CFAP44: variants seen among roughly 807,000 people sequenced by gnomAD.
The protein encoded by CFAP44 is cilia- and flagella-associated protein 44.
In CFAP44, 134 loss-of-function variants were observed where a neutral mutation model predicts 216.2. That is an observed-to-expected ratio of 0.62 (90% CI 0.54 to 0.72). The LOEUF (loss-of-function observed/expected upper bound fraction) is 0.72. Ranked by LOEUF, CFAP44 falls within the 30% of genes least tolerant of loss-of-function variation. The pLI, the probability that CFAP44 is intolerant of heterozygous loss-of-function variation, is 0.00. For synonymous variants in CFAP44, 700 were observed against 727.6 expected, an observed-to-expected ratio of 0.96 and a Z score of 0.61; for missense variants, 2,035 against 2,182.1, an observed-to-expected ratio of 0.93 and a Z score of 1.34.
chr3:113,422,647 G>A (rs959273038), intron 4 of CFAP44, among the ~76,000 whole-genome samples: 1 of 152,064 alleles, frequency 6.6e-6, no homozygotes, highest in Non-Finnish European at 1.5e-5. Flanking sequence ...TTTGCCCACC[G>A]GTTTTTTTCT....
At chr3:113,325,428 A>C (rs1000271492) in intron 28 of CFAP44, among the ~76,000 whole-genome samples, 2 of 151,566 alleles carry the variant, frequency 1.3e-5, no homozygotes, top group African/African-American at 4.8e-5. Context: ...ATAAATAGAG[A>C]TATATTGTGC....
At chr3:113,372,472 C>T (rs1318135052) in intron 18 of CFAP44, among the ~76,000 whole-genome samples, 2 of 152,156 alleles carry the variant, frequency 1.3e-5, no homozygotes, top group African/African-American at 2.4e-5. Context: ...AGCAAACTAT[C>T]ACAAGGACAG....
At chr3:113,315,424 T>C (rs908860927) in intron 28 of CFAP44, among the ~76,000 whole-genome samples, 8 of 152,046 alleles carry the variant, frequency 5.3e-5, no homozygotes, top group African/African-American at 1.9e-4. Context: ...AGCTGTAAAA[T>C]ATTTGAAGCA....
chr3:113,401,624 A>G lies in CFAP44; in HGVS notation c.1286T>C (p.Ile429Thr). 2 of 1,613,512 alleles carry G rather than the reference A, an allele frequency of 1.2e-6. No homozygotes were observed. The highest frequency in any genetic ancestry group is 1.7e-6 in the Non-Finnish European group (2 of 1,179,708). Residue 429 changes from isoleucine to threonine, a missense_variant, in exon 10 of 35, where the codon ATA (isoleucine) becomes ACA (threonine). By Grantham distance (89) the Ile-to-Thr change is moderately conservative. Coordinates refer to ENST00000393845, the MANE Select transcript of CFAP44 (RefSeq NM_001164496.2). The stretch of plus-strand genomic sequence containing the variant: ...GTTATTTCCAGTTTCATTCATTTTT[A>G]TCATAGAGAAGAGATTCACATTCTT... ...VDKNVNLFSM[I>T]KMNETGNNFW...
intron 16 of CFAP44, among the ~76,000 whole-genome samples, 167 bp downstream of exon 16, chr3:113,380,732 A>G (rs1034155301): frequency 9.2e-5 from 14 of 152,100 alleles, no homozygotes; most frequent in Middle Eastern, 3.4e-3. Context: ...TTCAGTATCT[A>G]TTTACTACTG....
At chr3:113,393,178 G>A (rs1223498529) in intron 15 of CFAP44, among the ~76,000 whole-genome samples, 1 of 152,208 alleles carries the variant, frequency 6.6e-6, no homozygotes, top group Admixed American at 6.5e-5. Context: ...GACAATTAAA[G>A]TCTGTAGCAG....
chr3:113,304,032 T>A lies in CFAP44; in HGVS notation c.4961A>T (p.Glu1654Val). 1.3e-6 allele frequency: 2 copies of A among 1,537,388 alleles called. No homozygotes were observed. Among genetic ancestry groups the A allele is most frequent in the Non-Finnish European group, 1.7e-6 (2 of 1,146,942 alleles). ...FSNHALRRLQ[E>V]RIHELQEENS... is the part of the protein sequence containing the mutation. Reference sequence around the variant, plus strand: ...TTCCTCCTGGAGCTCATGGATTCGTTCTTGCAGCCGTCTCAAGGCATGGTT... The same window carrying A: ...TTCCTCCTGGAGCTCATGGATTCGTACTTGCAGCCGTCTCAAGGCATGGTT... The change falls in exon 32 of 35, where the codon GAA (glutamate) becomes GTA (valine). Residue 1654 changes from glutamate to valine, a missense_variant. By Grantham distance (121) the Glu-to-Val change is moderately radical (BLOSUM62 -2). This residue lies in a region of CFAP44 where 1,883 missense variants were observed against 2,023.7 expected (regional missense o/e 0.93). Transcript: ENST00000393845.
intron 28 of CFAP44, among the ~76,000 whole-genome samples, chr3:113,324,111 T>C (rs556655288): frequency 1.3e-5 from 2 of 151,784 alleles, no homozygotes; most frequent in South Asian, 4.2e-4. Flanking sequence ...AAGTTGAATT[T>C]GTAATTTAAA....
chr3:113,318,977 A>C (rs1383876346), intron 28 of CFAP44, among the ~76,000 whole-genome samples: 3 of 152,246 alleles, frequency 2.0e-5, no homozygotes, highest in Middle Eastern at 3.4e-3. Context: ...CAAAAAAAAA[A>C]CAATACCCTT....
intron 22 of CFAP44, among the ~76,000 whole-genome samples, chr3:113,351,361 CAACT>C (rs1015235683): frequency 6.6e-6 from 1 of 152,136 alleles, no homozygotes; most frequent in African/African-American, 2.4e-5. Context: ...CAGAGCCATA[CAACT>C]AATACCCCTA....
chr3:113,405,918 T>C (rs1377514324), intron 8 of CFAP44, among the ~76,000 whole-genome samples: 1 of 152,202 alleles, frequency 6.6e-6, no homozygotes, highest in Non-Finnish European at 1.5e-5. Context: ...TACTTCCTCC[T>C]ATATACCATG....
intron 15 of CFAP44, among the ~76,000 whole-genome samples, chr3:113,394,719 C>G (rs534606616): frequency 2.0e-5 from 3 of 151,138 alleles, no homozygotes; most frequent in South Asian, 2.1e-4. Flanking sequence ...CAACAGCTGA[C>G]GAGCTAAAAA....
chr3:113,420,144 T>G lies in CFAP44; in HGVS notation c.443A>C (p.Asn148Thr). ...SFGYDCRKRA[N>T]LQLLDDSIAI... is the part of the protein sequence containing the mutation. Reference sequence around the variant, plus strand: ...GATACTGTCGTCCAGAAGTTGTAGGTTGGCTCGCTTTCTACAGTCATAACC... The same window carrying G: ...GATACTGTCGTCCAGAAGTTGTAGGGTGGCTCGCTTTCTACAGTCATAACC... Residue 148 changes from asparagine to threonine, a missense_variant, in exon 5 of 35, where the codon AAC (asparagine) becomes ACC (threonine). Asn to Thr is a moderately conservative substitution (Grantham distance 65). Coordinates refer to ENST00000393845, the MANE Select transcript of CFAP44 (RefSeq NM_001164496.2). The G allele has an allele frequency of 6.2e-7, 1 of 1,613,772 alleles. No homozygotes were observed. Among genetic ancestry groups the G allele is most frequent in the Non-Finnish European group, 8.5e-7 (1 of 1,179,818 alleles).
intron 32 of CFAP44, among the ~76,000 whole-genome samples, chr3:113,299,092 G>C (rs1418007150): frequency 6.6e-6 from 1 of 152,028 alleles, no homozygotes; most frequent in Non-Finnish European, 1.5e-5. Flanking sequence ...TTCATCAAAA[G>C]CCACCATAAA....
chr3:113,348,875 T>A (rs963937274), intron 22 of CFAP44, among the ~76,000 whole-genome samples: 1 of 152,244 alleles, frequency 6.6e-6, no homozygotes. Flanking sequence ...CTTGGAGAGA[T>A]GTCATGCTAT....
chr3:113,351,787 C>T (rs1040878399), intron 22 of CFAP44, among the ~76,000 whole-genome samples: 3 of 152,146 alleles, frequency 2.0e-5, no homozygotes, highest in Admixed American at 6.5e-5. Flanking sequence ...TACTCACCTT[C>T]GGGCCCTGTG....
intron 1 of CFAP44, among the ~76,000 whole-genome samples, chr3:113,437,983 A>T (rs1935275741): frequency 6.6e-6 from 1 of 152,196 alleles, no homozygotes; most frequent in Non-Finnish European, 1.5e-5. Flanking sequence ...TGTTGTAAAT[A>T]TTAAATGAGA....
intron 19 of CFAP44, among the ~76,000 whole-genome samples, chr3:113,365,760 A>G (rs1045704362): frequency 6.6e-6 from 1 of 152,226 alleles, no homozygotes; most frequent in Non-Finnish European, 1.5e-5. Flanking sequence ...CCTTTGATTA[A>G]GAAAGTTTTT....
At chr3:113,320,840 T>TAA (rs1332682737) in intron 28 of CFAP44, among the ~76,000 whole-genome samples, 2 of 152,062 alleles carry the variant, frequency 1.3e-5, no homozygotes, top group Non-Finnish European at 2.9e-5. Flanking sequence ...CACTGTCAGC[T>TAA]AATTAGAGGT....
Sources: gnomAD v4.1 joint callset for allele counts (sites outside exome capture counted in the v4.1 genomes callset) on GRCh38, gnomAD v4.1.1 for gene constraint, gnomAD v4.1.1 regional missense constraint, MANE v1.5 for transcripts, NCBI Gene and HGNC (gene_info 2026-07-23, HGNC 2026-07-21) for gene names.